Variants in GRM5 observed in about 807,000 individuals in gnomAD.
The protein encoded by GRM5 is glutamate metabotropic receptor 5, also known as metabotropic glutamate receptor 5.
In GRM5, 19 loss-of-function variants were observed where a neutral mutation model predicts 83.1. That is an observed-to-expected ratio of 0.23 (90% CI 0.16 to 0.34). The LOEUF is 0.34. Among genes scored for constraint, GRM5 ranks in the 10% least tolerant of loss-of-function variants. The probability of loss-of-function intolerance (pLI) is 1.00; values close to 1 mark genes in which losing one functional copy is unlikely to be tolerated. For missense variants in GRM5, 1,160 were observed against 1,588.3 expected (o/e 0.73, Z 4.58); for synonymous variants, 675 against 633.6 (o/e 1.07, Z -0.98).
chr11:89,058,260 C>G (rs1941917916), intron 1 of GRM5, among the ~76,000 whole-genome samples: 1 of 152,178 alleles, frequency 6.6e-6, no homozygotes, highest in African/African-American at 2.4e-5. Flanking sequence ...AAGGGTTTCT[C>G]AACCTGAGCA....
chr11:88,724,346 C>T (rs1219459670), intron 3 of GRM5, among the ~76,000 whole-genome samples: 2 of 152,118 alleles, frequency 1.3e-5, no homozygotes, highest in Non-Finnish European at 2.9e-5. Context: ...TCGGTCCCTG[C>T]CACTCTGCTT....
At chr11:88,982,939 G>T (rs1939575513) in intron 2 of GRM5, among the ~76,000 whole-genome samples, 1 of 152,164 alleles carries the variant, frequency 6.6e-6, no homozygotes, top group Admixed American at 6.5e-5. Flanking sequence ...GATGGCACAC[G>T]CCTGTAATCT....
chr11:88,601,124 G>T (rs993810004), intron 5 of GRM5, among the ~76,000 whole-genome samples: 1 of 152,178 alleles, frequency 6.6e-6, no homozygotes, highest in Non-Finnish European at 1.5e-5. Flanking sequence ...TGAGATTTGC[G>T]TATGTCCTTG....
intron 3 of GRM5, among the ~76,000 whole-genome samples, chr11:88,695,269 A>G (rs1940874833): frequency 6.6e-6 from 1 of 152,182 alleles, no homozygotes; most frequent in Non-Finnish European, 1.5e-5. Flanking sequence ...TTGTTTTATA[A>G]TATGCAGTTC....
chr11:88,916,353 G>T (rs540148857), intron 2 of GRM5, among the ~76,000 whole-genome samples: 1 of 152,226 alleles, frequency 6.6e-6, no homozygotes, highest in South Asian at 2.1e-4. Flanking sequence ...TGTATGCTTG[G>T]TAGAAGGAGA....
chr11:88,972,010 G>T (rs576675610), intron 2 of GRM5, among the ~76,000 whole-genome samples: 5 of 152,132 alleles, frequency 3.3e-5, no homozygotes, highest in Non-Finnish European at 7.3e-5. Flanking sequence ...ATTCAAATAA[G>T]TGATAATTGA....
At chr11:88,708,910 A>C (rs562572405) in intron 3 of GRM5, among the ~76,000 whole-genome samples, 2 of 152,144 alleles carry the variant, frequency 1.3e-5, no homozygotes, top group South Asian at 2.1e-4. Context: ...ACTAAGTTAC[A>C]GAAGTGAGTG....
chr11:88,593,955 G>A (rs1293067303), intron 6 of GRM5, among the ~76,000 whole-genome samples: 2 of 151,704 alleles, frequency 1.3e-5, no homozygotes, highest in Non-Finnish European at 1.5e-5. Context: ...CAACTTGCCT[G>A]GCTAATTTTT....
intron 1 of GRM5, among the ~76,000 whole-genome samples, chr11:89,056,582 A>T (rs1323437966): frequency 6.6e-6 from 1 of 152,196 alleles, no homozygotes; most frequent in African/African-American, 2.4e-5. Flanking sequence ...CTCAAGTAAA[A>T]TAAATTATTT....
At chr11:88,712,984 G>T (rs944854855) in intron 3 of GRM5, among the ~76,000 whole-genome samples, 3 of 151,964 alleles carry the variant, frequency 2.0e-5, no homozygotes, top group Non-Finnish European at 4.4e-5. Context: ...AAGGCCTGGG[G>T]CTATGACAAG....
chr11:88,530,604 G>A lies in GRM5; in HGVS notation c.2631-5200C>T, dbSNP rs1941985420. On this transcript the variant is annotated intron_variant, in intron 8 of 9. Coordinates refer to ENST00000305447, the MANE Select transcript of GRM5 (RefSeq NM_001143831.3). ...TAAATGTAATTTTCCATTATTATTT[G>A]GATAAAAAATTTCATTTCTTCACCT... is the stretch of plus-strand genomic sequence containing the variant. 1.3e-5 allele frequency among the ~76,000 whole-genome samples: 2 copies of A among 151,810 alleles called. 1 individual carries two copies. Among genetic ancestry groups the A allele is most frequent in the Admixed American group, 1.3e-4 (2 of 15,222 alleles).
At chr11:88,753,887 A>C (rs2135430431) in intron 3 of GRM5, among the ~76,000 whole-genome samples, 1 of 152,266 alleles carries the variant, frequency 6.6e-6, no homozygotes, top group East Asian at 1.9e-4. Flanking sequence ...AAGAAAAAAG[A>C]GCTTGAGCAG....
chr11:88,518,029 A>G (rs935348039), intron 9 of GRM5, among the ~76,000 whole-genome samples: 11 of 152,010 alleles, frequency 7.2e-5, no homozygotes, highest in African/African-American at 2.7e-4. Flanking sequence ...AAAGAGTATT[A>G]GATAAGATGA....
At chr11:88,558,776 G>A in intron 8 of GRM5, among the ~76,000 whole-genome samples, 1 of 132,944 alleles carries the variant, frequency 7.5e-6, no homozygotes. Flanking sequence ...ACTACAGCCT[G>A]GCAACAGAGT....
intron 1 of GRM5, among the ~76,000 whole-genome samples, chr11:89,053,261 T>C (rs1314208714): frequency 6.6e-6 from 1 of 152,100 alleles, no homozygotes; most frequent in Non-Finnish European, 1.5e-5. Context: ...CCCCAAATTA[T>C]AGCTCATCAG....
chr11:88,529,089 AATCTAGTGAT>A (rs1384527770), intron 8 of GRM5, among the ~76,000 whole-genome samples: 1 of 152,058 alleles, frequency 6.6e-6, no homozygotes, highest in African/African-American at 2.4e-5. Flanking sequence ...GGCAGTAGAG[AATCTAGTGAT>A]AGGACTTTAA....
chr11:88,882,499 C>T (rs682290), intron 2 of GRM5, among the ~76,000 whole-genome samples: 112,405 of 149,166 alleles, frequency 0.75, 43,135 homozygotes, highest in East Asian at 0.99. Flanking sequence ...AGGTGGAGCT[C>T]GCAGTGAGCC....
At chr11:88,906,764 A>AT (rs1423378422) in intron 2 of GRM5, among the ~76,000 whole-genome samples, 2 of 152,202 alleles carry the variant, frequency 1.3e-5, no homozygotes, top group Non-Finnish European at 2.9e-5. Context: ...TACTAACATC[A>AT]TATTCATCTG....
Position 88,873,509 on chromosome 11 carries a change from T to C in GRM5, c.662-23354A>G, listed in dbSNP as rs190673917. ...TTAAAAATGTTAAAATTATATCAGATAACTTTTCTAACCAAAATATAATAA... is the reference window on the plus strand; with the variant it reads ...TTAAAAATGTTAAAATTATATCAGACAACTTTTCTAACCAAAATATAATAA... On this transcript the variant is annotated intron_variant, in intron 2 of 9. Transcript: ENST00000305447. Among the ~76,000 whole-genome samples the C allele has an allele frequency of 6.9e-4, 105 of 151,786 alleles. 1 individual carries two copies. In the Middle Eastern group the frequency reaches 0.031, roughly 44 times the overall value.
Sources: allele counts gnomAD v4.1 joint callset (sites outside exome capture counted in the v4.1 genomes callset), GRCh38; gene constraint gnomAD v4.1.1; transcripts MANE v1.5; gene names NCBI Gene and HGNC (gene_info 2026-07-23, HGNC 2026-07-21).